Variants in SSUH2 observed in about 807,000 individuals in gnomAD.
SSUH2 encodes ssu-2 homolog.
In SSUH2, 47 loss-of-function variants were observed where a neutral mutation model predicts 55.3. The ratio of observed to expected loss-of-function variants is 0.85; its 90% confidence interval spans 0.67 to 1.08. SSUH2 has a LOEUF of 1.08. Ranked by LOEUF, SSUH2 falls within the 50% of genes least tolerant of loss-of-function variation. SSUH2 has a pLI of 0.00. For missense variants in SSUH2, 535 were observed against 490.7 expected, an observed-to-expected ratio of 1.09 and a Z score of -0.85; for synonymous variants, 212 against 191.5, an observed-to-expected ratio of 1.11 and a Z score of -0.89.
chr3:8,677,664 G>C (rs35110804), intron 2 of SSUH2, among the ~76,000 whole-genome samples: 3 of 150,980 alleles, frequency 2.0e-5, no homozygotes, highest in Admixed American at 6.6e-5. Context: ...GGTGGCCTAC[G>C]TCTCTAAACA....
intron 5 of SSUH2, 132 bp downstream of exon 5, chr3:8,631,917 G>T (rs1349640139): frequency 1.9e-5 from 13 of 694,092 alleles, no homozygotes; most frequent in Non-Finnish European, 3.1e-5. Context: ...TTTTGCAGGG[G>T]GTAAGGAAGC....
At chr3:8,635,517 T>C in intron 2 of SSUH2, 136 bp from the exon 3 acceptor site, 2 of 757,628 alleles carry the variant, frequency 2.6e-6, no homozygotes, top group Non-Finnish European at 4.3e-6. Context: ...GCAAAAAGAA[T>C]GGGGACTCCA....
At chr3:8,653,798 G>A (rs1160887277) in intron 7 of SSUH2, among the ~76,000 whole-genome samples, 2 of 152,144 alleles carry the variant, frequency 1.3e-5, no homozygotes, top group African/African-American at 4.8e-5. Context: ...CAAAGTAAAT[G>A]TACCCGTGTG....
At chr3:8,674,918 A>G (rs1485988287) in intron 3 of SSUH2, among the ~76,000 whole-genome samples, 1 of 152,182 alleles carries the variant, frequency 6.6e-6, no homozygotes, top group East Asian at 1.9e-4. Flanking sequence ...ACTGCGGCCC[A>G]GCCGGTTAGG....
At chr3:8,675,602 G>GT (rs1553605446) in intron 3 of SSUH2, among the ~76,000 whole-genome samples, 2 of 152,072 alleles carry the variant, frequency 1.3e-5, no homozygotes, top group Non-Finnish European at 2.9e-5. Flanking sequence ...GGATCAGAAA[G>GT]AAGCAGGTCA....
rs1222756226 is a variant in SSUH2 at position 8,673,107 on chromosome 3, ATAT to A, written c.-752-1075_-752-1073del. Among the ~76,000 whole-genome samples, 5 of 151,996 alleles carry A rather than the reference ATAT, an allele frequency of 3.3e-5. No homozygotes were observed. In the East Asian group the frequency reaches 7.7e-4, roughly 23 times the overall value. On this transcript the variant is annotated intron_variant, in intron 3 of 18. Coordinates refer to the SSUH2 transcript ENST00000317371. The stretch of plus-strand genomic sequence containing the variant: ...ATTGCTAATAGTGTTCAGATTATTA[ATAT>A]TAATATTAATTATTACAAGCTAATA...
At chr3:8,672,092 A>C (rs1044655574) in intron 3 of SSUH2, 7 of 152,098 alleles carry the variant, frequency 4.6e-5, no homozygotes, top group Admixed American at 6.5e-5. Flanking sequence ...CATTGGGTGT[A>C]GTATCGTCCT....
At chr3:8,676,982 C>A (rs1399440222) in intron 3 of SSUH2, among the ~76,000 whole-genome samples, 5 of 145,264 alleles carry the variant, frequency 3.4e-5, no homozygotes, top group Admixed American at 2.7e-4. Context: ...GGACTGAGAG[C>A]CAGTACCTCT....
intron 1 of SSUH2, among the ~76,000 whole-genome samples, chr3:8,680,133 G>A (rs1463099268): frequency 3.3e-5 from 5 of 152,168 alleles, no homozygotes; most frequent in Non-Finnish European, 7.4e-5. Flanking sequence ...CCAAACTGTG[G>A]GACCCTGGCC....
At position 8,678,616 on chromosome 3, in the gene SSUH2, T is replaced by TC. The variant is rs1288069564; in HGVS notation, c.-901+1088dup. On this transcript the variant is annotated intron_variant, in intron 2 of 18. Transcript: ENST00000317371. ...GCAGGGACTGAGAGCCAGCCCTTCT[T>TC]CCCCCCCGGCTTTTGGGACCCCCAT... Among the ~76,000 whole-genome samples the TC allele has an allele frequency of 1.9e-4, 11 of 59,264 alleles. 2 individuals carry two copies. The highest frequency in any genetic ancestry group is 4.3e-4 in the African/African-American group (7 of 16,256). 38.9% of individuals were successfully genotyped at this position (59,264 alleles called of 152,430 possible). A position where few individuals can be genotyped will look rare whatever the true frequency, so the allele number is the denominator to read the frequency against.
intron 1 of SSUH2, among the ~76,000 whole-genome samples, chr3:8,641,142 G>A (rs969265538): frequency 2.0e-5 from 3 of 152,174 alleles, no homozygotes; most frequent in African/African-American, 4.8e-5. Context: ...TCCAAAGCCT[G>A]CCTGAGTGCG....
chr3:8,679,414 C>A (rs562566352), intron 2 of SSUH2, among the ~76,000 whole-genome samples: 2 of 136,040 alleles, frequency 1.5e-5, no homozygotes, highest in Non-Finnish European at 3.3e-5. Context: ...AGCCCCTCTT[C>A]CCCCCCTGGC....
intron 10 of SSUH2, among the ~76,000 whole-genome samples, chr3:8,624,355 C>T (rs1046062564): frequency 6.6e-6 from 1 of 152,230 alleles, no homozygotes; most frequent in African/African-American, 2.4e-5. Flanking sequence ...GGTCAGCTCA[C>T]AGAGCTGCCA....
intron 1 of SSUH2, chr3:8,640,060 T>C: frequency 1.1e-6 from 1 of 934,038 alleles, no homozygotes; most frequent in Non-Finnish European, 1.3e-6. Flanking sequence ...AGAGTGATGG[T>C]TGACAGGGGC....
chr3:8,640,793 T>G (rs1432396321), intron 1 of SSUH2, among the ~76,000 whole-genome samples: 3 of 152,028 alleles, frequency 2.0e-5, no homozygotes, highest in African/African-American at 7.3e-5. Flanking sequence ...GGGTGAAGGG[T>G]TGGGAGAAGA....
At chr3:8,651,427 C>T (rs12493037) in intron 7 of SSUH2, among the ~76,000 whole-genome samples, 56,256 of 151,986 alleles carry the variant, frequency 0.37, 11,126 homozygotes, top group East Asian at 0.58. Context: ...GGAAAGGACT[C>T]GTTCAGGCTC....
At chr3:8,668,159 T>G (rs951900563) in intron 5 of SSUH2, among the ~76,000 whole-genome samples, 8 of 152,138 alleles carry the variant, frequency 5.3e-5, no homozygotes, top group African/African-American at 1.7e-4. Context: ...TAAAGCTCTT[T>G]CCCTGGGTAT....
At chr3:8,675,881 A>G (rs1407558189) in intron 3 of SSUH2, among the ~76,000 whole-genome samples, 4 of 152,118 alleles carry the variant, frequency 2.6e-5, no homozygotes, top group Non-Finnish European at 4.4e-5. Context: ...ACAGAGAGAA[A>G]AGATGGCAGC....
At position 8,633,665 on chromosome 3, in the gene SSUH2, C is replaced by T; in HGVS notation, c.339+1G>A. On this transcript the variant is annotated splice_donor_variant, in intron 4 of 11. Transcript: ENST00000544814. LOFTEE classifies it high-confidence loss of function. ...GCCCCCCACCGGCCCTGGCCTCTCA[C>T]CCTGCAGAGGGTCTGCCGCTTCAGC... 4 of 1,515,312 alleles carry T rather than the reference C, an allele frequency of 2.6e-6. No individual in the cohort carries two copies. The highest frequency in any genetic ancestry group is 8.8e-7 in the Non-Finnish European group (1 of 1,134,230). 93.9% of individuals were successfully genotyped at this position (1,515,312 alleles called of 1,614,324 possible).
Sources: allele counts gnomAD v4.1 joint callset (sites outside exome capture counted in the v4.1 genomes callset), GRCh38; gene constraint gnomAD v4.1.1; transcripts MANE v1.5; gene names NCBI Gene and HGNC (gene_info 2026-07-23, HGNC 2026-07-21).